The following AGBL1 variants were observed in gnomAD, a reference collection of about 807,000 sequenced individuals.
AGBL1 encodes the protein AGBL carboxypeptidase 1, also known as cytosolic carboxypeptidase 4.
Under a neutral mutation model 118.9 loss-of-function variants are expected in AGBL1, and 130 were observed. That is an observed-to-expected ratio of 1.09 (90% confidence interval 0.95 to 1.26). The LOEUF (loss-of-function observed/expected upper bound fraction) is 1.26, where lower values mean the gene tolerates loss of function less well. AGBL1 is among the 50% of genes most tolerant of loss of function. AGBL1 has a pLI of 0.00. For synonymous variants in AGBL1, 555 were observed against 478.9 expected (o/e 1.16, Z -2.08); for missense variants, 1,584 against 1,298.1 (o/e 1.22, Z -3.38).
At chr15:86,517,479 C>G (rs1567035785) in intron 18 of AGBL1, among the ~76,000 whole-genome samples, 1 of 152,208 alleles carries the variant, frequency 6.6e-6, no homozygotes, top group Non-Finnish European at 1.5e-5. Flanking sequence ...CAAATGTTAA[C>G]TATGGGTAAT....
chr15:86,564,683 G>C (rs965004440), intron 21 of AGBL1, among the ~76,000 whole-genome samples: 8 of 152,186 alleles, frequency 5.3e-5, no homozygotes, highest in African/African-American at 1.9e-4. Context: ...GGCCTGCCTT[G>C]CTAGGTTGGG....
At chr15:86,500,659 C>T (rs1006990243) in intron 18 of AGBL1, among the ~76,000 whole-genome samples, 4 of 151,636 alleles carry the variant, frequency 2.6e-5, no homozygotes, top group African/African-American at 7.3e-5. Flanking sequence ...CCCTGTTTTC[C>T]TCTCCTCTCA....
At chr15:86,291,593 G>A (rs1201417894) in intron 16 of AGBL1, among the ~76,000 whole-genome samples, 2 of 152,212 alleles carry the variant, frequency 1.3e-5, no homozygotes, top group Non-Finnish European at 2.9e-5. Context: ...CTTAGTGAGA[G>A]TCTGGACTCC....
At position 86,932,614 on chromosome 15, in the gene AGBL1, C is replaced by T. The variant is rs534654959; in HGVS notation, c.3222-55373C>T. Among the ~76,000 whole-genome samples, 5 of 152,296 alleles carry T rather than the reference C, an allele frequency of 3.3e-5. No homozygotes were observed. The South Asian group carries it at 1.0e-3, about 32-fold the overall frequency. ...GACAATCAGTTAGGTCACATTTAGT[C>T]AACTCCGTGAAGCAAGGACAGGGGT... On this transcript the variant is annotated intron_variant, in intron 23 of 24. Transcript: ENST00000441037.
At chr15:86,438,907 C>T (rs1293516309) in intron 18 of AGBL1, among the ~76,000 whole-genome samples, 1 of 152,040 alleles carries the variant, frequency 6.6e-6, no homozygotes, top group Non-Finnish European at 1.5e-5. Flanking sequence ...AGTGATCCAC[C>T]ACCTCGGCCT....
At position 86,863,904 on chromosome 15, in the gene AGBL1, C is replaced by T. The variant is rs114087558; in HGVS notation, c.3159-43183C>T. Among the ~76,000 whole-genome samples, 117 of 152,244 alleles carry T rather than the reference C, an allele frequency of 7.7e-4. 1 individual carries two copies. Among genetic ancestry groups the T allele is most frequent in the Admixed American group, 3.9e-3 (60 of 15,288 alleles). ...TAAGAACCATTTCATAGGTTTGTTA[C>T]GTGAAGTAGATGTTATAGTCTACAC... On this transcript the variant is annotated intron_variant, in intron 22 of 22. Coordinates refer to ENST00000614907, the MANE Select transcript of AGBL1 (RefSeq NM_001386094.1).
At chr15:86,807,300 C>G (rs2078729723) in intron 22 of AGBL1, among the ~76,000 whole-genome samples, 1 of 152,106 alleles carries the variant, frequency 6.6e-6, no homozygotes, top group Admixed American at 6.6e-5. Context: ...TGTCCATTTA[C>G]TGTGACCTAC....
intron 5 of AGBL1, among the ~76,000 whole-genome samples, chr15:86,169,469 G>T (rs2077385731): frequency 6.6e-6 from 1 of 152,108 alleles, no homozygotes; most frequent in African/African-American, 2.4e-5. Flanking sequence ...CAGTAGGGAG[G>T]AATAAAGTCA....
intron 1 of AGBL1, among the ~76,000 whole-genome samples, chr15:86,111,731 C>T (rs146251860): frequency 9.7e-4 from 148 of 152,194 alleles, no homozygotes; most frequent in African/African-American, 3.3e-3. Flanking sequence ...AAATAGAGAC[C>T]GTCCACTGAT....
chr15:86,377,218 A>C (rs2081053300), intron 17 of AGBL1, among the ~76,000 whole-genome samples: 1 of 152,222 alleles, frequency 6.6e-6, no homozygotes, highest in Non-Finnish European at 1.5e-5. Context: ...TGGATTTTAA[A>C]AATCACAAAT....
At chr15:86,566,814 T>A (rs1463944131) in intron 21 of AGBL1, among the ~76,000 whole-genome samples, 1 of 152,146 alleles carries the variant, frequency 6.6e-6, no homozygotes, top group Non-Finnish European at 1.5e-5. Flanking sequence ...TTTTTAATAA[T>A]AGATGTATAC....
chr15:86,304,428 T>G (rs2079805362), intron 17 of AGBL1, among the ~76,000 whole-genome samples: 1 of 152,228 alleles, frequency 6.6e-6, no homozygotes, highest in Non-Finnish European at 1.5e-5. Flanking sequence ...GTTCCCCTAC[T>G]CCGAATCTCT....
At chr15:86,893,343 T>G (rs2080077534) in intron 22 of AGBL1, among the ~76,000 whole-genome samples, 1 of 152,116 alleles carries the variant, frequency 6.6e-6, no homozygotes, top group Non-Finnish European at 1.5e-5. Context: ...AGAAAACAAG[T>G]GATAAAAAGA....
chr15:86,321,582 G>A (rs886380849), intron 17 of AGBL1, among the ~76,000 whole-genome samples: 3 of 150,576 alleles, frequency 2.0e-5, no homozygotes, highest in Non-Finnish European at 3.0e-5. Flanking sequence ...CAGGCTGACC[G>A]ACATGGCAAA....
chr15:86,426,675 C>G (rs1200157075), intron 18 of AGBL1, among the ~76,000 whole-genome samples: 1 of 152,210 alleles, frequency 6.6e-6, no homozygotes, highest in Non-Finnish European at 1.5e-5. Context: ...TAAATGCACA[C>G]ATTAGTTGAA....
intron 21 of AGBL1, among the ~76,000 whole-genome samples, chr15:86,607,137 C>T (rs1325875072): frequency 1.3e-5 from 2 of 152,182 alleles, no homozygotes; most frequent in African/African-American, 4.8e-5. Flanking sequence ...CTTTTTATGG[C>T]TTGATAGCTG....
chr15:86,553,866 CTT>C (rs10708716), intron 20 of AGBL1, among the ~76,000 whole-genome samples: 18 of 149,004 alleles, frequency 1.2e-4, no homozygotes, highest in South Asian at 2.1e-4. Flanking sequence ...TTATTTCTAA[CTT>C]TTTTTTTTTT....
Position 86,269,998 on chromosome 15 carries a change from A to T in AGBL1, c.1918A>T (p.Met640Leu). The T allele has an allele frequency of 6.2e-7, 1 of 1,613,756 alleles. No homozygotes were observed. Among genetic ancestry groups the T allele is most frequent in the Non-Finnish European group, 8.5e-7 (1 of 1,179,796 alleles). Residue 640 changes from methionine to leucine, a missense_variant, in exon 14 of 23, where the codon ATG becomes TTG. Met to Leu is a conservative substitution (Grantham distance 15, BLOSUM62 2). Transcript: ENST00000614907. ...QQWFYFKVSG[M>L]QAAIPYHFNI... Reference sequence around the variant, plus strand: ...GTGGTTCTATTTCAAAGTGAGCGGTATGCAGGCGGCCATCCCTTACCACTT... The same window carrying T: ...GTGGTTCTATTTCAAAGTGAGCGGTTTGCAGGCGGCCATCCCTTACCACTT...
At chr15:86,177,060 A>G (rs1470860612) in intron 5 of AGBL1, among the ~76,000 whole-genome samples, 1 of 152,216 alleles carries the variant, frequency 6.6e-6, no homozygotes, top group African/African-American at 2.4e-5. Context: ...GTATAAACAC[A>G]TTTTAAATAT....
Sources: allele counts gnomAD v4.1 joint callset (sites outside exome capture counted in the v4.1 genomes callset), GRCh38; gene constraint gnomAD v4.1.1; transcripts MANE v1.5; gene names NCBI Gene and HGNC (gene_info 2026-07-23, HGNC 2026-07-21).